FRG1: variants seen among roughly 807,000 people sequenced by gnomAD.
The protein encoded by FRG1 is FSHD region gene 1.
A neutral mutation model predicts 37.0 loss-of-function variants in FRG1; 19 were observed. That is an observed-to-expected ratio of 0.51 (90% CI 0.36 to 0.75). The LOEUF (loss-of-function observed/expected upper bound fraction) is 0.75, where lower values mean the gene tolerates loss of function less well. FRG1 is among the 30% of genes least tolerant of loss of function. The pLI, the probability that FRG1 is intolerant of heterozygous loss-of-function variation, is 0.00. For missense variants in FRG1, 243 were observed against 301.4 expected, an observed-to-expected ratio of 0.81 and a Z score of 1.44; for synonymous variants, 73 against 96.5, an observed-to-expected ratio of 0.76 and a Z score of 1.43.
chr4:189,945,836 A>T (rs1297805954), intron 2 of FRG1, among the ~76,000 whole-genome samples: 1 of 151,740 alleles, frequency 6.6e-6, no homozygotes, highest in Non-Finnish European at 1.5e-5. Flanking sequence ...GATGGGTATG[A>T]GTTGTTCTTT....
intron 4 of FRG1, among the ~76,000 whole-genome samples, chr4:189,954,654 G>A (rs564674464): frequency 6.7e-6 from 1 of 150,306 alleles, no homozygotes; most frequent in Admixed American, 6.7e-5. Flanking sequence ...GAGTGCAGTG[G>A]TGTGACCGTA....
intron 2 of FRG1, among the ~76,000 whole-genome samples, chr4:189,951,445 G>A (rs199910388): frequency 4.0e-5 from 6 of 149,978 alleles, no homozygotes; most frequent in East Asian, 2.0e-4. Context: ...AGCCGAGATC[G>A]CATCACTGCA....
chr4:189,941,964 C>G, intron 1 of FRG1: 2 of 337,248 alleles, frequency 5.9e-6, no homozygotes, highest in Non-Finnish European at 1.2e-5. Context: ...AGAACCCTCT[C>G]GAGGAGTCTG....
In FRG1 at chr4:189,940,944, C is replaced by A; in HGVS notation, c.-66C>A. 1 of 1,318,402 alleles carries A rather than the reference C, an allele frequency of 7.6e-7. No individual in the cohort carries two copies. Among genetic ancestry groups the A allele is most frequent in the Non-Finnish European group, 1.1e-6 (1 of 919,876 alleles). 81.7% of individuals were successfully genotyped at this position (1,318,402 alleles called of 1,614,324 possible). A position where few individuals can be genotyped will look rare whatever the true frequency, so the allele number is the denominator to read the frequency against. On this transcript the variant is annotated 5_prime_UTR_variant, in exon 1 of 9. It adds an upstream start codon to the 5' untranslated region. Coordinates refer to ENST00000226798, the MANE Select transcript of FRG1 (RefSeq NM_004477.3). Reference sequence around the variant, plus strand: ...GCTTCTGTTTCTCCGCGCCCCTGTGCTGCCCCGACTCACATACTCGTCCAG... The same window carrying A: ...GCTTCTGTTTCTCCGCGCCCCTGTGATGCCCCGACTCACATACTCGTCCAG...
At chr4:189,947,635 G>A (rs201209432) in intron 2 of FRG1, among the ~76,000 whole-genome samples, 1 of 152,204 alleles carries the variant, frequency 6.6e-6, no homozygotes, top group South Asian at 2.1e-4. Flanking sequence ...GGCATCTCCA[G>A]TCAGCCCTCA....
At chr4:189,946,311 CAAA>C (rs34356772) in intron 2 of FRG1, among the ~76,000 whole-genome samples, 6 of 105,638 alleles carry the variant, frequency 5.7e-5, no homozygotes, top group Admixed American at 3.1e-4. Flanking sequence ...GCTGATAAGC[CAAA>C]AAAAAAAAAA....
chr4:189,950,308 A>G (rs1736700784), intron 2 of FRG1, among the ~76,000 whole-genome samples: 1 of 152,210 alleles, frequency 6.6e-6, no homozygotes, highest in Non-Finnish European at 1.5e-5. Context: ...TATTTTCTCC[A>G]TTCCCTGGGT....
chr4:189,945,048 G>A (rs973368444), intron 2 of FRG1, among the ~76,000 whole-genome samples: 31 of 152,040 alleles, frequency 2.0e-4, no homozygotes, highest in African/African-American at 7.5e-4. Flanking sequence ...ACTGTCAATA[G>A]AACCTTTGAA....
chr4:189,943,083 C>G, intron 1 of FRG1, 119 bp from the exon 2 acceptor site: 1 of 1,149,180 alleles, frequency 8.7e-7, no homozygotes, highest in East Asian at 2.4e-5. Flanking sequence ...CAATGTAAGT[C>G]TTCCTAAATC....
chr4:189,962,076 A>T (rs1737263146), intron 8 of FRG1, 144 bp downstream of exon 8: 5 of 607,232 alleles, frequency 8.2e-6, no homozygotes, highest in Non-Finnish European at 1.5e-5. Flanking sequence ...TTACCTAAAG[A>T]GGACATCGTA....
chr4:189,954,762 CTT>C (rs1338574733), intron 4 of FRG1, among the ~76,000 whole-genome samples: 1 of 151,848 alleles, frequency 6.6e-6, no homozygotes, highest in Non-Finnish European at 1.5e-5. Context: ...GCCCAGCTAA[CTT>C]TTTAAATTTT....
intron 8 of FRG1, among the ~76,000 whole-genome samples, chr4:189,962,269 G>T (rs1254963134): frequency 6.6e-6 from 1 of 152,126 alleles, no homozygotes; most frequent in Non-Finnish European, 1.5e-5. Flanking sequence ...TGTTAGAGTA[G>T]TTCAGGTTCC....
intron 6 of FRG1, among the ~76,000 whole-genome samples, chr4:189,958,756 A>G (rs1258038199): frequency 6.7e-6 from 1 of 149,114 alleles, no homozygotes; most frequent in Non-Finnish European, 1.5e-5. Context: ...GTTAATTGGA[A>G]TCTGATGAAA....
At chr4:189,952,604 C>T (rs1736804796) in intron 3 of FRG1, among the ~76,000 whole-genome samples, 1 of 152,042 alleles carries the variant, frequency 6.6e-6, no homozygotes, top group Non-Finnish European at 1.5e-5. Context: ...CTTTTTTATT[C>T]AGACCTATTG....
At chr4:189,948,269 T>G (rs553526517) in intron 2 of FRG1, among the ~76,000 whole-genome samples, 6 of 152,352 alleles carry the variant, frequency 3.9e-5, no homozygotes, top group Admixed American at 3.3e-4. Flanking sequence ...TGAAAGAAAT[T>G]CTGTCTTTCA....
intron 2 of FRG1, among the ~76,000 whole-genome samples, chr4:189,946,455 T>C (rs1319201046): frequency 6.6e-6 from 1 of 152,164 alleles, no homozygotes; most frequent in African/African-American, 2.4e-5. Flanking sequence ...TTTCTCTTTT[T>C]TTCATTTTCT....
intron 2 of FRG1, among the ~76,000 whole-genome samples, chr4:189,949,345 A>C (rs1050658471): frequency 6.6e-6 from 1 of 152,234 alleles, no homozygotes; most frequent in Non-Finnish European, 1.5e-5. Context: ...GGCCACTTGC[A>C]GAAAGTAGGC....
intron 5 of FRG1, among the ~76,000 whole-genome samples, chr4:189,955,586 C>T (rs1314980656): frequency 6.6e-6 from 1 of 152,100 alleles, no homozygotes; most frequent in East Asian, 1.9e-4. Flanking sequence ...AGTAAATTAT[C>T]TCTAAAAGAC....
intron 1 of FRG1, chr4:189,941,938 G>A: frequency 2.5e-6 from 1 of 395,410 alleles, no homozygotes; most frequent in South Asian, 1.9e-5. Context: ...GGAGTGAGTT[G>A]AAGCCACTGG....
Sources: gnomAD v4.1 joint callset for allele counts (sites outside exome capture counted in the v4.1 genomes callset) on GRCh38, gnomAD v4.1.1 for gene constraint, MANE v1.5 for transcripts, NCBI Gene and HGNC (gene_info 2026-07-23, HGNC 2026-07-21) for gene names.